Variants in PRUNE2 observed in about 807,000 individuals in gnomAD.
PRUNE2 encodes the protein protein prune homolog 2.
A neutral mutation model predicts 252.0 loss-of-function variants in PRUNE2; 164 were observed. The observed-to-expected ratio is 0.65, with a 90% CI of 0.57 to 0.74. PRUNE2 has a LOEUF of 0.74. PRUNE2 is among the 30% of genes least tolerant of loss of function. PRUNE2 has a pLI of 0.00. For missense variants in PRUNE2, 3,495 were observed against 3,711.0 expected (o/e 0.94, Z 1.51); for synonymous variants, 1,292 against 1,350.2 (o/e 0.96, Z 0.94).
intron 12 of PRUNE2, chr9:76,642,092 C>T: frequency 2.4e-6 from 2 of 817,998 alleles, no homozygotes; most frequent in South Asian, 3.6e-5. Context: ...ATGGGTTTCT[C>T]AGCTCCAAGT....
intron 1 of PRUNE2, chr9:76,862,639 C>T (rs1476483210): frequency 6.6e-6 from 1 of 152,180 alleles, no homozygotes; most frequent in Non-Finnish European, 1.5e-5. Flanking sequence ...TAGCACCCTA[C>T]ACTCACGTCA....
At position 76,709,667 on chromosome 9, in the gene PRUNE2, GT is replaced by G; in HGVS notation, c.2606del (p.Asn869ThrfsTer35). On this transcript the variant is annotated frameshift_variant, in exon 8 of 19. Transcript: ENST00000376718. LOFTEE classifies it high-confidence loss of function. ...CAAAGATGTGATCCCTGGAGTCATTGTTTTTCTTGCCCCAGATTTCTGGAGC... is the reference window on the plus strand; with the variant it reads ...CAAAGATGTGATCCCTGGAGTCATTGTTTTCTTGCCCCAGATTTCTGGAGC... The part of the protein sequence containing the change: ...EAAPEIWGKK[N>X]NDSRDHIFAP... 3 of 1,613,978 alleles carry G rather than the reference GT, an allele frequency of 1.9e-6. No individual in the cohort carries two copies. The highest frequency in any genetic ancestry group is 2.2e-5 in the East Asian group (1 of 44,886).
At chr9:76,699,409 T>G (rs2045694276) in intron 9 of PRUNE2, among the ~76,000 whole-genome samples, 1 of 152,180 alleles carries the variant, frequency 6.6e-6, no homozygotes, top group South Asian at 2.1e-4. Context: ...TGATTAACAT[T>G]GAAATAGGCA....
At chr9:76,634,627 T>C (rs543544981) in intron 15 of PRUNE2, among the ~76,000 whole-genome samples, 1 of 152,278 alleles carries the variant, frequency 6.6e-6, no homozygotes, top group African/African-American at 2.4e-5. Context: ...TCACCTTGCT[T>C]TTCTCTGGAC....
At chr9:76,641,740 C>A (rs1300902837) in intron 12 of PRUNE2, among the ~76,000 whole-genome samples, 5 of 37,290 alleles carry the variant, frequency 1.3e-4, no homozygotes, top group Non-Finnish European at 3.8e-4. Flanking sequence ...ATGAGCAACC[C>A]CCCCCCAGGA....
At chr9:76,641,907 G>C (rs757486357) in intron 12 of PRUNE2, 25 of 1,504,704 alleles carry the variant, frequency 1.7e-5, no homozygotes, top group Non-Finnish European at 1.9e-5. Flanking sequence ...ACACACACCA[G>C]CCAGCAACTC....
At chr9:76,700,424 T>C (rs922290344) in intron 9 of PRUNE2, among the ~76,000 whole-genome samples, 4 of 152,188 alleles carry the variant, frequency 2.6e-5, no homozygotes, top group African/African-American at 7.2e-5. Context: ...CACAGCTATC[T>C]CATTGTTTTG....
At chr9:76,888,483 A>C (rs575166093) in intron 1 of PRUNE2, among the ~76,000 whole-genome samples, 4 of 152,044 alleles carry the variant, frequency 2.6e-5, no homozygotes, top group Non-Finnish European at 4.4e-5. Flanking sequence ...AGTCTGAGGC[A>C]GGAGAATTGC....
chr9:76,651,895 A>G (rs1847553460), intron 11 of PRUNE2: 1 of 152,250 alleles, frequency 6.6e-6, no homozygotes, highest in Non-Finnish European at 1.5e-5. Context: ...ATAGTTAAAT[A>G]ATACAATTTG....
intron 9 of PRUNE2, among the ~76,000 whole-genome samples, chr9:76,670,948 G>T (rs2041322480): frequency 6.6e-6 from 1 of 152,030 alleles, no homozygotes; most frequent in Non-Finnish European, 1.5e-5. Context: ...CCACAAAGAT[G>T]GGGAAAAAAC....
chr9:76,865,606 G>A (rs1419776770), intron 1 of PRUNE2, among the ~76,000 whole-genome samples: 3 of 152,074 alleles, frequency 2.0e-5, no homozygotes, highest in East Asian at 1.9e-4. Flanking sequence ...TGATAATATC[G>A]GATATAATAG....
In PRUNE2 at chr9:76,810,980, G is replaced by T. The variant is rs2057319897; in HGVS notation, c.756+12652C>A. On this transcript the variant is annotated intron_variant, in intron 6 of 18. Transcript: ENST00000376718. ...GCATATGATTCTCAGGAGCGTTACA[G>T]ACAAACTAATTTAAACCAAGGTCAG... 4.6e-5 allele frequency among the ~76,000 whole-genome samples: 7 copies of T among 152,214 alleles called. No individual in the cohort carries two copies. The South Asian group carries it at 1.5e-3, about 32-fold the overall frequency.
At chr9:76,903,492 A>AAT (rs2063302691) in intron 1 of PRUNE2, among the ~76,000 whole-genome samples, 1 of 152,192 alleles carries the variant, frequency 6.6e-6, no homozygotes, top group Non-Finnish European at 1.5e-5. Flanking sequence ...ATTCTGGTCT[A>AAT]ATAAGGCTTA....
intron 1 of PRUNE2, among the ~76,000 whole-genome samples, chr9:76,873,292 T>G (rs1451247469): frequency 6.6e-6 from 1 of 152,132 alleles, no homozygotes. Flanking sequence ...ATTACGCAAT[T>G]TTTTCCACTT....
chr9:76,780,051 C>T (rs1490115484), intron 6 of PRUNE2: 2 of 152,156 alleles, frequency 1.3e-5, no homozygotes, highest in Non-Finnish European at 2.9e-5. Context: ...AGGAAAAATA[C>T]TGGTATTTTC....
chr9:76,686,805 C>T (rs1269825646), intron 9 of PRUNE2, among the ~76,000 whole-genome samples: 2 of 152,200 alleles, frequency 1.3e-5, no homozygotes, highest in African/African-American at 2.4e-5. Context: ...ACTATGTTGC[C>T]TAGGCTGGTC....
At chr9:76,885,763 C>T (rs2062050503) in intron 1 of PRUNE2, among the ~76,000 whole-genome samples, 1 of 152,182 alleles carries the variant, frequency 6.6e-6, no homozygotes, top group South Asian at 2.1e-4. Flanking sequence ...ACTCACCCCT[C>T]TCTACCTCAG....
chr9:76,852,798 GTCTGTCTGTCTATCTATCTA>G (rs1300282992), intron 2 of PRUNE2, among the ~76,000 whole-genome samples: 3 of 90,070 alleles, frequency 3.3e-5, no homozygotes, highest in African/African-American at 1.4e-4. Flanking sequence ...CTAGCCATCT[GTCTGTCTGTCTATCTATCTA>G]TCTATCTATC....
chr9:76,708,991 GT>G lies in PRUNE2; in HGVS notation c.3282del (p.Gln1094HisfsTer25). The G allele has an allele frequency of 6.2e-7, 1 of 1,614,020 alleles. No individual in the cohort carries two copies. The highest frequency in any genetic ancestry group is 8.5e-7 in the Non-Finnish European group (1 of 1,179,890). On this transcript the variant is annotated frameshift_variant, in exon 8 of 19. Transcript: ENST00000376718. LOFTEE classifies it high-confidence loss of function. ...TTGGTGCTGCTGTGCAAAAGTGTGA[GT>G]TGTCGGTTTGTTTCATTGTACAGTT... ...MMQLYNETNR[Q>X]LTLLHSSTNS...
Sources: gnomAD v4.1 joint callset for allele counts (sites outside exome capture counted in the v4.1 genomes callset) on GRCh38, gnomAD v4.1.1 for gene constraint, MANE v1.5 for transcripts, NCBI Gene and HGNC (gene_info 2026-07-23, HGNC 2026-07-21) for gene names.